The following AGAP1 variants were observed in gnomAD, a reference collection of about 807,000 sequenced individuals.
AGAP1 encodes ArfGAP with GTPase domain, ankyrin repeat and PH domain 1, also known as arf-GAP with GTPase, ANK repeat and PH domain-containing protein 1.
A neutral mutation model predicts 105.3 loss-of-function variants in AGAP1; 29 were observed. The ratio of observed to expected loss-of-function variants is 0.28; its 90% CI spans 0.21 to 0.38. AGAP1 has a LOEUF of 0.38. Ranked by LOEUF, AGAP1 falls within the 10% of genes least tolerant of loss-of-function variation. The pLI is 1.00. For synonymous variants in AGAP1, 509 were observed against 485.9 expected, an observed-to-expected ratio of 1.05 and a Z score of -0.63; for missense variants, 998 against 1,165.1, an observed-to-expected ratio of 0.86 and a Z score of 2.09.
intron 1 of AGAP1, among the ~76,000 whole-genome samples, chr2:235,646,929 A>G (rs959857805): frequency 6.6e-6 from 1 of 152,084 alleles, no homozygotes; most frequent in Non-Finnish European, 1.5e-5. Context: ...AGGTCAGGAG[A>G]TGGAGACCAT....
At chr2:235,636,773 C>T (rs1304263432) in intron 1 of AGAP1, among the ~76,000 whole-genome samples, 1 of 152,154 alleles carries the variant, frequency 6.6e-6, no homozygotes, top group Non-Finnish European at 1.5e-5. Flanking sequence ...AAGGTCGTCG[C>T]AGATGTAATT....
intron 9 of AGAP1, among the ~76,000 whole-genome samples, chr2:235,851,284 C>T (rs895228751): frequency 3.9e-5 from 6 of 152,184 alleles, no homozygotes; most frequent in African/African-American, 1.4e-4. Context: ...TCGGTCGGAG[C>T]TGGGAGGGAA....
rs1384481781 is a variant in AGAP1, at chr2:235,720,069, C to T, written c.310+2425C>T. ...GTGACTGTGTGCCTCATGACAGTGGCAGGAGGGAGCCATAACTTGTTGTAA... is the reference window on the plus strand; with the variant it reads ...GTGACTGTGTGCCTCATGACAGTGGTAGGAGGGAGCCATAACTTGTTGTAA... On this transcript the variant is annotated intron_variant, in intron 3 of 17. Transcript: ENST00000304032. This position sits in a 1 kb window ranked among gnomAD's most constrained non-coding sequence, Gnocchi z 5.0. Among the ~76,000 whole-genome samples, 1 of 152,126 alleles carries T rather than the reference C, an allele frequency of 6.6e-6. No homozygotes were observed. The highest frequency in any genetic ancestry group is 1.5e-5 in the Non-Finnish European group (1 of 68,036).
intron 1 of AGAP1, among the ~76,000 whole-genome samples, chr2:235,652,620 G>A (rs1281734900): frequency 2.0e-4 from 31 of 152,078 alleles, no homozygotes; most frequent in African/African-American, 3.9e-4. Context: ...GGCCGGGTGC[G>A]GTGGCTCACA....
At chr2:235,520,251 C>T (rs1242481445) in intron 1 of AGAP1, among the ~76,000 whole-genome samples, 2 of 152,164 alleles carry the variant, frequency 1.3e-5, no homozygotes, top group Non-Finnish European at 2.9e-5. Context: ...CCCACATTTC[C>T]AGTTGTCTCA....
At chr2:236,031,779 C>T (rs573305564) in intron 13 of AGAP1, among the ~76,000 whole-genome samples, 7 of 152,080 alleles carry the variant, frequency 4.6e-5, no homozygotes, top group Non-Finnish European at 1.0e-4. Flanking sequence ...ATCCCTCTTC[C>T]ATCAGACAGA....
At chr2:235,510,220 C>T (rs970993201) in intron 1 of AGAP1, among the ~76,000 whole-genome samples, 4 of 152,090 alleles carry the variant, frequency 2.6e-5, no homozygotes, top group Admixed American at 1.3e-4. Flanking sequence ...TGAAACCATC[C>T]CCCTGCCTCC....
intron 1 of AGAP1, among the ~76,000 whole-genome samples, chr2:235,592,132 G>A (rs896922455): frequency 3.3e-5 from 5 of 152,248 alleles, no homozygotes; most frequent in Admixed American, 1.3e-4. Context: ...TGCCTGGACA[G>A]CGCCCTGTGG....
In AGAP1 at chr2:235,633,854, A is replaced by C. The variant is rs537777125; in HGVS notation, c.164-75325A>C. ...TCTATGACCTGTCTTAGGGATGAAG[A>C]ATTCTAGTTCCTGTGGCTCAGGGGA... On this transcript the variant is annotated intron_variant, in intron 1 of 17. Coordinates refer to ENST00000304032, the MANE Select transcript of AGAP1 (RefSeq NM_001037131.3). This position sits in a 1 kb window ranked among gnomAD's most constrained non-coding sequence, Gnocchi z 4.8. Among the ~76,000 whole-genome samples the C allele has an allele frequency of 5.9e-5, 9 of 152,306 alleles. No homozygotes were observed. In the East Asian group the frequency reaches 1.7e-3, roughly 29 times the overall value.
intron 1 of AGAP1, among the ~76,000 whole-genome samples, chr2:235,626,128 C>T (rs1946628629): frequency 6.6e-6 from 1 of 151,380 alleles, no homozygotes; most frequent in South Asian, 2.1e-4. Context: ...GCAGGTGGAT[C>T]ACTTGAGGTC....
rs1350479594 is a variant in AGAP1, at chr2:235,642,152, G to A, written c.164-67027G>A. On this transcript the variant is annotated intron_variant, in intron 1 of 17. Coordinates refer to ENST00000304032, the MANE Select transcript of AGAP1 (RefSeq NM_001037131.3). This position sits in a 1 kb window ranked among gnomAD's most constrained non-coding sequence, Gnocchi z 4.1. The stretch of plus-strand genomic sequence containing the variant: ...CAGAGGGTGCCCATCCACGGAGTGC[G>A]GCGCCTGCTCGACTTGGCCTTCTGG... Among the ~76,000 whole-genome samples, 3 of 152,148 alleles carry A rather than the reference G, an allele frequency of 2.0e-5. No homozygotes were observed. The highest frequency in any genetic ancestry group is 2.9e-5 in the Non-Finnish European group (2 of 68,030).
rs1576251876 is a variant in AGAP1 at position 236,079,325 on chromosome 2, C to T, written c.2114+30044C>T. On this transcript the variant is annotated intron_variant, in intron 16 of 17. Transcript: ENST00000304032. ...CTTGAGGCCAGGAGTTCGAGACCAG[C>T]CTAGGCAGCATAGTGAGACTCTGTC... Among the ~76,000 whole-genome samples, 4 of 150,232 alleles carry T rather than the reference C, an allele frequency of 2.7e-5. 1 individual carries two copies. The Admixed American group carries it at 2.7e-4, about 10-fold the overall frequency.
At position 235,801,500 on chromosome 2, in the gene AGAP1, AG is replaced by A. The variant is rs1227219243; in HGVS notation, c.957+1979del. 1.3e-5 allele frequency among the ~76,000 whole-genome samples: 2 copies of A among 152,086 alleles called. No individual in the cohort carries two copies. The highest frequency in any genetic ancestry group is 1.5e-5 in the Non-Finnish European group (1 of 68,014). ...GCATGGATAACATGTTTTATTGGGC[AG>A]TTTCTTCACACACACCGAGAACAGC... On this transcript the variant is annotated intron_variant, in intron 8 of 17. Transcript: ENST00000304032. This position sits in a 1 kb window ranked among gnomAD's most constrained non-coding sequence, Gnocchi z 6.0.
Position 235,882,531 on chromosome 2 carries a change from T to C in AGAP1, c.1051-814T>C, listed in dbSNP as rs930519686. Reference sequence around the variant, plus strand: ...ATCGGTACCATCCGTGGCGGGCTCTTAGCTCACTGCAACACTCTGCCTCCT... The same window carrying C: ...ATCGGTACCATCCGTGGCGGGCTCTCAGCTCACTGCAACACTCTGCCTCCT... On this transcript the variant is annotated intron_variant, in intron 9 of 17. Coordinates refer to ENST00000304032, the MANE Select transcript of AGAP1 (RefSeq NM_001037131.3). The surrounding 1 kb of genome is among the most constrained non-coding windows in gnomAD (Gnocchi z 4.6). 8 of 1,148,504 alleles carry C rather than the reference T, an allele frequency of 7.0e-6. No individual in the cohort carries two copies. Among genetic ancestry groups the C allele is most frequent in the Admixed American group, 1.9e-5 (1 of 52,348 alleles). The allele number at this position is 1,148,504 out of a possible 1,614,324, so 71.1% of individuals were successfully genotyped here.
In AGAP1 at chr2:235,549,965, C is replaced by T. The variant is rs1943752255; in HGVS notation, c.163+55116C>T. 6.6e-6 allele frequency among the ~76,000 whole-genome samples: 1 copy of T among 152,186 alleles called. No individual in the cohort carries two copies. The highest frequency in any genetic ancestry group is 2.4e-5 in the African/African-American group (1 of 41,436). On this transcript the variant is annotated intron_variant, in intron 1 of 17. Coordinates refer to ENST00000304032, the MANE Select transcript of AGAP1 (RefSeq NM_001037131.3). The surrounding 1 kb of genome is among the most constrained non-coding windows in gnomAD (Gnocchi z 4.2). The stretch of plus-strand genomic sequence containing the variant: ...GCTGTCTTCAGTGGTGGGGGAACCA[C>T]CTGGGCCTTGGGCCTTGGCTCTGGT...
At chr2:235,786,280 AC>A (rs1575460795) in intron 6 of AGAP1, among the ~76,000 whole-genome samples, 1 of 152,222 alleles carries the variant, frequency 6.6e-6, no homozygotes, top group East Asian at 1.9e-4. Context: ...ACAGATTTGT[AC>A]TGTGTTTAAT....
Position 235,717,603 on chromosome 2 carries a change from G to A in AGAP1, c.269G>A (p.Arg90Gln), listed in dbSNP as rs1310810988. The stretch of plus-strand genomic sequence containing the variant: ...AGCGGCAAGTCTGCCCTGGTGCACC[G>A]GTACCTGACGGGCACATATGTCCAG... Reference protein sequence around the residue: ...LASGKSALVHRYLTGTYVQEE... With the variant: ...LASGKSALVHQYLTGTYVQEE... Residue 90 changes from arginine (R) to glutamine (Q), a missense_variant, in exon 3 of 18, where the codon CGG becomes CAG. Arg to Gln is a conservative substitution (Grantham distance 43). This residue lies in a region of AGAP1 where 735 missense variants were observed against 833.4 expected (regional missense o/e 0.88). Coordinates refer to ENST00000304032, the MANE Select transcript of AGAP1 (RefSeq NM_001037131.3). The A allele has an allele frequency of 4.4e-6, 7 of 1,603,862 alleles. No individual in the cohort carries two copies. Among genetic ancestry groups the A allele is most frequent in the South Asian group, 1.1e-5 (1 of 88,456 alleles).
chr2:235,507,234 C>G (rs1941858317), intron 1 of AGAP1: 1 of 152,598 alleles, frequency 6.6e-6, no homozygotes, highest in African/African-American at 2.4e-5. Context: ...GTCTCTGTCA[C>G]CCTGTCCCCT....
intron 1 of AGAP1, among the ~76,000 whole-genome samples, chr2:235,503,912 A>G (rs1186525756): frequency 6.6e-6 from 1 of 152,022 alleles, no homozygotes; most frequent in Non-Finnish European, 1.5e-5. Context: ...TTAATTTTTG[A>G]GACAGTCTCT....
Sources: allele counts gnomAD v4.1 joint callset (sites outside exome capture counted in the v4.1 genomes callset), GRCh38; gene constraint gnomAD v4.1.1; regional missense constraint gnomAD v4.1.1; non-coding constraint Gnocchi (gnomAD v3.1); transcripts MANE v1.5; gene names NCBI Gene and HGNC (gene_info 2026-07-23, HGNC 2026-07-21).